Variants in CNGB3 observed in about 807,000 individuals in gnomAD.
CNGB3 encodes cyclic nucleotide-gated channel beta-3.
Under a neutral mutation model 92.8 loss-of-function variants are expected in CNGB3, and 86 were observed. The ratio of observed to expected loss-of-function variants is 0.93; its 90% confidence interval spans 0.78 to 1.11. The LOEUF (loss-of-function observed/expected upper bound fraction) is 1.11, where lower values mean the gene tolerates loss of function less well. Among genes scored for constraint, CNGB3 ranks in the 50% least tolerant of loss-of-function variants. The pLI, the probability that CNGB3 is intolerant of heterozygous loss-of-function variation, is 0.00. For synonymous variants in CNGB3, 333 were observed against 332.7 expected, an observed-to-expected ratio of 1.00 and a Z score of -0.01; for missense variants, 1,026 against 956.8, an observed-to-expected ratio of 1.07 and a Z score of -0.95.
At chr8:86,613,301 T>C (rs1822555205) in intron 13 of CNGB3, among the ~76,000 whole-genome samples, 1 of 152,236 alleles carries the variant, frequency 6.6e-6, no homozygotes, top group Non-Finnish European at 1.5e-5. Flanking sequence ...TAATTTTTTT[T>C]CTAAAAGGCA....
intron 6 of CNGB3, among the ~76,000 whole-genome samples, chr8:86,655,818 A>G (rs188015328): frequency 2.5e-3 from 382 of 152,334 alleles, no homozygotes; most frequent in Middle Eastern, 6.8e-3. Context: ...ATTCAGACCT[A>G]AAATAATTAA....
intron 15 of CNGB3, among the ~76,000 whole-genome samples, chr8:86,598,286 G>T (rs1167911702): frequency 6.6e-6 from 1 of 152,184 alleles, no homozygotes; most frequent in Non-Finnish European, 1.5e-5. Flanking sequence ...CACTGCAGTT[G>T]TCCAGTGAGA....
chr8:86,636,895 C>A (rs1394130203), intron 10 of CNGB3, among the ~76,000 whole-genome samples: 1 of 152,036 alleles, frequency 6.6e-6, no homozygotes, highest in African/African-American at 2.4e-5. Flanking sequence ...CATAATGTCC[C>A]CCAGCACTAT....
chr8:86,672,255 C>T (rs529402745), intron 3 of CNGB3, among the ~76,000 whole-genome samples: 105 of 152,192 alleles, frequency 6.9e-4, no homozygotes, highest in African/African-American at 2.4e-3. Context: ...CATGCCACCA[C>T]GCCTAGCTAA....
intron 10 of CNGB3, among the ~76,000 whole-genome samples, chr8:86,638,656 T>C (rs1226272284): frequency 6.6e-6 from 1 of 152,088 alleles, no homozygotes; most frequent in Non-Finnish European, 1.5e-5. Context: ...AATTCACTAA[T>C]ATTTGTTGAA....
intron 3 of CNGB3, among the ~76,000 whole-genome samples, chr8:86,684,719 T>C (rs1824150513): frequency 6.6e-6 from 1 of 150,862 alleles, no homozygotes; most frequent in Admixed American, 6.6e-5. Context: ...CTCTGGAGAA[T>C]TATATTGATT....
chr8:86,698,592 A>C (rs1296319339), intron 3 of CNGB3, among the ~76,000 whole-genome samples: 4 of 152,206 alleles, frequency 2.6e-5, no homozygotes, highest in African/African-American at 9.6e-5. Context: ...ATCAGGCTTA[A>C]CTTGCTTTTT....
intron 14 of CNGB3, among the ~76,000 whole-genome samples, chr8:86,604,663 T>C (rs1822379249): frequency 6.6e-6 from 1 of 152,176 alleles, no homozygotes; most frequent in Admixed American, 6.5e-5. Flanking sequence ...TTTGGGGAAT[T>C]GGGGCATAGG....
intron 12 of CNGB3, 148 bp downstream of exon 12, chr8:86,628,771 A>G (rs1822900197): frequency 1.2e-6 from 1 of 854,530 alleles, no homozygotes; most frequent in African/African-American, 1.7e-5. Flanking sequence ...GGAAAAAAAA[A>G]AAACCTGTAG....
chr8:86,591,386 G>A (rs1030593205), intron 15 of CNGB3, among the ~76,000 whole-genome samples: 1 of 152,050 alleles, frequency 6.6e-6, no homozygotes, highest in African/African-American at 2.4e-5. Context: ...CTGGTGATGA[G>A]CTGCATTCCT....
intron 3 of CNGB3, among the ~76,000 whole-genome samples, chr8:86,710,092 T>C (rs1178558835): frequency 6.6e-6 from 1 of 152,160 alleles, no homozygotes; most frequent in East Asian, 1.9e-4. Context: ...TCCTTTCTTG[T>C]AAAGGAAGGA....
chr8:86,580,871 T>C (rs1407871078), intron 15 of CNGB3, among the ~76,000 whole-genome samples: 1 of 152,088 alleles, frequency 6.6e-6, no homozygotes, highest in East Asian at 1.9e-4. Context: ...GAAAGAAGGA[T>C]CACATTAACA....
intron 15 of CNGB3, among the ~76,000 whole-genome samples, chr8:86,580,234 C>T (rs1821738055): frequency 6.6e-6 from 1 of 151,906 alleles, no homozygotes; most frequent in Non-Finnish European, 1.5e-5. Flanking sequence ...CCAGTCACCT[C>T]CCATCAGGTC....
intron 10 of CNGB3, 46 bp from the exon 11 acceptor site, chr8:86,632,939 G>A (rs371643464): frequency 2.9e-5 from 44 of 1,521,546 alleles, no homozygotes; most frequent in Admixed American, 5.0e-5. Context: ...CTATATCATC[G>A]AAAGACCACT....
At position 86,643,156 on chromosome 8, in the gene CNGB3, A is replaced by G. The variant is rs139664794; in HGVS notation, c.1178+595T>C. ...ATCAGACTCTGATATTTTCTATTCT[A>G]TTATTCTCTATCTTCTTTCATTTAA... On this transcript the variant is annotated intron_variant, in intron 10 of 17. Coordinates refer to ENST00000320005, the MANE Select transcript of CNGB3 (RefSeq NM_019098.5). Among the ~76,000 whole-genome samples the G allele has an allele frequency of 5.6e-3, 844 of 151,262 alleles. 9 individuals carry two copies. The highest frequency in any genetic ancestry group is 0.02 in the African/African-American group (813 of 41,342).
intron 6 of CNGB3, chr8:86,661,519 A>G: frequency 3.0e-6 from 2 of 666,730 alleles, no homozygotes; most frequent in Non-Finnish European, 5.7e-6. Flanking sequence ...ACCACATCAC[A>G]TTTAAATGGC....
intron 13 of CNGB3, among the ~76,000 whole-genome samples, chr8:86,625,634 C>T (rs1022792575): frequency 6.6e-6 from 1 of 151,900 alleles, no homozygotes; most frequent in Non-Finnish European, 1.5e-5. Context: ...TATTCTGGAG[C>T]CTGATTTGTT....
At chr8:86,614,338 C>T (rs1045262355) in intron 13 of CNGB3, among the ~76,000 whole-genome samples, 2 of 152,164 alleles carry the variant, frequency 1.3e-5, no homozygotes, top group Non-Finnish European at 2.9e-5. Context: ...TCAGTCACAG[C>T]AAGGCCCCAT....
chr8:86,620,716 C>G (rs750793506), intron 13 of CNGB3, among the ~76,000 whole-genome samples: 2 of 152,124 alleles, frequency 1.3e-5, no homozygotes, highest in African/African-American at 2.4e-5. Context: ...AGGGAGGAGA[C>G]TGGTTCAGAA....
Sources: allele counts gnomAD v4.1 joint callset (sites outside exome capture counted in the v4.1 genomes callset), GRCh38; gene constraint gnomAD v4.1.1; transcripts MANE v1.5; gene names NCBI Gene and HGNC (gene_info 2026-07-23, HGNC 2026-07-21).